MDGA2: variants seen among roughly 807,000 people sequenced by gnomAD.
The protein encoded by MDGA2 is MAM domain-containing glycosylphosphatidylinositol anchor protein 2.
MDGA2 carries 40 observed loss-of-function variants against 117.8 expected under a neutral mutation model. The ratio of observed to expected loss-of-function variants is 0.34; its 90% CI spans 0.26 to 0.44. The LOEUF is 0.44. MDGA2 is among the 20% of genes least tolerant of loss of function. The pLI is 1.00. For synonymous variants in MDGA2, 452 were observed against 439.0 expected, an observed-to-expected ratio of 1.03 and a Z score of -0.37; for missense variants, 1,123 against 1,250.6, an observed-to-expected ratio of 0.90 and a Z score of 1.54.
chr14:46,865,713 G>C (rs1466026796), intron 14 of MDGA2, among the ~76,000 whole-genome samples: 1 of 152,046 alleles, frequency 6.6e-6, no homozygotes. Context: ...CAAAATCGAT[G>C]TACAAAAATC....
chr14:47,281,396 C>T (rs1888484867), intron 2 of MDGA2, among the ~76,000 whole-genome samples: 2 of 152,114 alleles, frequency 1.3e-5, no homozygotes, highest in South Asian at 4.2e-4. Context: ...TTTCTCTATC[C>T]AGGTATTTTC....
intron 3 of MDGA2, among the ~76,000 whole-genome samples, chr14:47,173,736 A>C (rs1385805356): frequency 6.6e-6 from 1 of 152,226 alleles, no homozygotes; most frequent in East Asian, 1.9e-4. Flanking sequence ...AAGAAACTGC[A>C]TCAACTAACG....
chr14:46,946,737 G>T (rs542786883), intron 9 of MDGA2, among the ~76,000 whole-genome samples: 4 of 152,194 alleles, frequency 2.6e-5, no homozygotes, highest in African/African-American at 9.6e-5. Flanking sequence ...GACCAGAGAA[G>T]AGGATTCCAA....
chr14:46,920,402 C>A (rs1356784684), intron 9 of MDGA2, among the ~76,000 whole-genome samples: 1 of 152,154 alleles, frequency 6.6e-6, no homozygotes, highest in Non-Finnish European at 1.5e-5. Flanking sequence ...ATGGGATTTT[C>A]ATCAACCAAA....
At chr14:47,176,746 G>T (rs1215550049) in intron 3 of MDGA2, among the ~76,000 whole-genome samples, 1 of 152,136 alleles carries the variant, frequency 6.6e-6, no homozygotes. Flanking sequence ...CATGGGCAAA[G>T]ACTTCATGTC....
At chr14:46,914,716 A>C (rs1883835827) in intron 10 of MDGA2, among the ~76,000 whole-genome samples, 1 of 152,144 alleles carries the variant, frequency 6.6e-6, no homozygotes, top group Non-Finnish European at 1.5e-5. Flanking sequence ...TGAATCTGCT[A>C]TTAGTCTTAA....
chr14:47,293,398 A>T (rs1026072981), intron 2 of MDGA2, among the ~76,000 whole-genome samples: 1 of 152,204 alleles, frequency 6.6e-6, no homozygotes, highest in African/African-American at 2.4e-5. Context: ...AATTAGTCCT[A>T]GCCCAGTATC....
chr14:47,196,783 C>G (rs557462798), intron 3 of MDGA2, among the ~76,000 whole-genome samples: 2 of 152,088 alleles, frequency 1.3e-5, no homozygotes, highest in Non-Finnish European at 2.9e-5. Context: ...GAGCATAATA[C>G]CTAATAGGTA....
At chr14:47,312,127 A>G (rs907725689) in intron 1 of MDGA2, among the ~76,000 whole-genome samples, 1 of 152,148 alleles carries the variant, frequency 6.6e-6, no homozygotes, top group African/African-American at 2.4e-5. Flanking sequence ...GGCTTTGACA[A>G]TCTCATAGAT....
chr14:47,400,998 C>G (rs577149250), intron 1 of MDGA2, among the ~76,000 whole-genome samples: 16 of 151,392 alleles, frequency 1.1e-4, no homozygotes, highest in Non-Finnish European at 2.2e-4. Flanking sequence ...ACCTCATGAT[C>G]CGCTCACCTC....
intron 1 of MDGA2, among the ~76,000 whole-genome samples, chr14:47,511,528 A>C (rs1168837529): frequency 6.6e-6 from 1 of 152,190 alleles, no homozygotes; most frequent in African/African-American, 2.4e-5. Context: ...TTAAATAACT[A>C]AACTGTTTTA....
chr14:47,604,410 G>A lies in MDGA2; in HGVS notation c.280+70107C>T, dbSNP rs575604667. 1.1e-4 allele frequency among the ~76,000 whole-genome samples: 17 copies of A among 151,920 alleles called. 1 individual carries two copies. The South Asian group carries it at 2.5e-3, about 22-fold the overall frequency. ...TAGCTCTCTGCAGCCTTAAACTGCTGGACTCAAGCTATCCTCTCACCTCAG... is the reference window on the plus strand; with the variant it reads ...TAGCTCTCTGCAGCCTTAAACTGCTAGACTCAAGCTATCCTCTCACCTCAG... On this transcript the variant is annotated intron_variant, in intron 1 of 16. Transcript: ENST00000399232.
intron 14 of MDGA2, among the ~76,000 whole-genome samples, chr14:46,857,511 T>C (rs150900166): frequency 0.021 from 1,534 of 73,990 alleles, 30 homozygotes; most frequent in African/African-American, 0.072. Flanking sequence ...TCTTTCAGGC[T>C]GCTTTAGAGA....
At chr14:46,960,887 TAC>T (rs1264305265) in intron 8 of MDGA2, among the ~76,000 whole-genome samples, 1 of 147,180 alleles carries the variant, frequency 6.8e-6, no homozygotes, top group East Asian at 1.9e-4. Context: ...GTTTTATATA[TAC>T]ATATATGTAT....
chr14:47,157,006 T>C (rs1466734576), intron 3 of MDGA2, among the ~76,000 whole-genome samples: 1 of 152,204 alleles, frequency 6.6e-6, no homozygotes, highest in Non-Finnish European at 1.5e-5. Context: ...ACTGTGAAGC[T>C]ATACAAAAGA....
intron 1 of MDGA2, among the ~76,000 whole-genome samples, chr14:47,339,373 T>G (rs1490251400): frequency 6.6e-6 from 1 of 152,068 alleles, no homozygotes; most frequent in South Asian, 2.1e-4. Flanking sequence ...ACTGCTATAG[T>G]TTGGATATGG....
At chr14:47,355,624 C>G (rs994456204) in intron 1 of MDGA2, among the ~76,000 whole-genome samples, 26 of 152,032 alleles carry the variant, frequency 1.7e-4, no homozygotes, top group African/African-American at 6.0e-4. Flanking sequence ...AAAGTGCTCC[C>G]AATCCTAGAG....
At chr14:47,026,311 T>G (rs1424288871) in intron 8 of MDGA2, among the ~76,000 whole-genome samples, 4 of 152,176 alleles carry the variant, frequency 2.6e-5, no homozygotes, top group Non-Finnish European at 5.9e-5. Context: ...ACTTTCAGAT[T>G]GGCTTTATCA....
chr14:47,633,083 C>T (rs756329277), intron 1 of MDGA2, among the ~76,000 whole-genome samples: 1 of 152,192 alleles, frequency 6.6e-6, no homozygotes, highest in Non-Finnish European at 1.5e-5. Flanking sequence ...TATTTTCATG[C>T]ACCTGGGATG....
Sources: allele counts gnomAD v4.1 joint callset (sites outside exome capture counted in the v4.1 genomes callset), GRCh38; gene constraint gnomAD v4.1.1; transcripts MANE v1.5; gene names NCBI Gene and HGNC (gene_info 2026-07-23, HGNC 2026-07-21).